The following ERBB4 variants were observed in gnomAD, a reference collection of about 807,000 sequenced individuals.
The protein encoded by ERBB4 is erb-b2 receptor tyrosine kinase 4, also known as receptor tyrosine-protein kinase erbB-4.
ERBB4 carries 42 observed loss-of-function variants against 158.0 expected under a neutral mutation model. That is an observed-to-expected ratio of 0.27 (90% confidence interval 0.21 to 0.34). The LOEUF (loss-of-function observed/expected upper bound fraction) is 0.34, where lower values mean the gene tolerates loss of function less well. ERBB4 is among the 10% of genes least tolerant of loss of function. The pLI is 1.00. For missense variants in ERBB4, 1,333 were observed against 1,624.1 expected (o/e 0.82, Z 3.08); for synonymous variants, 583 against 558.7 (o/e 1.04, Z -0.61).
chr2:211,384,460 G>C, intron 27 of ERBB4, among the ~76,000 whole-genome samples: 1 of 151,978 alleles, frequency 6.6e-6, no homozygotes, highest in Non-Finnish European at 1.5e-5. Context: ...TTCTATAAAG[G>C]ATATTGAAAA....
intron 1 of ERBB4, among the ~76,000 whole-genome samples, chr2:212,257,528 T>C (rs2084783493): frequency 6.6e-6 from 1 of 152,134 alleles, no homozygotes. Context: ...GGTCTTTAAG[T>C]GCATTTATTT....
rs34467767 is a variant in ERBB4 at position 211,569,717 on chromosome 2, G to A, written c.2302-7629C>T. ...GTCTGGCATATTTTGGAAGGTCTGA[G>A]AAGGCTCATGTGCTTGGAATTTAGC... On this transcript the variant is annotated intron_variant, in intron 19 of 27. Transcript: ENST00000342788. 8.1e-3 allele frequency among the ~76,000 whole-genome samples: 1,238 copies of A among 152,306 alleles called. 7 individuals are homozygous for A. Among genetic ancestry groups the A allele is most frequent in the Non-Finnish European group, 0.014 (935 of 68,022 alleles).
intron 1 of ERBB4, among the ~76,000 whole-genome samples, chr2:212,155,300 T>C (rs2081001008): frequency 6.6e-6 from 1 of 151,870 alleles, no homozygotes; most frequent in South Asian, 2.1e-4. Context: ...TAAATAATAA[T>C]TATTATAAAA....
chr2:212,463,033 T>A lies in ERBB4; in HGVS notation c.82+75416A>T, dbSNP rs181494792. 4.2e-4 allele frequency among the ~76,000 whole-genome samples: 64 copies of A among 152,208 alleles called. 1 individual carries two copies. Among genetic ancestry groups the A allele is most frequent in the Admixed American group, 2.1e-3 (32 of 15,282 alleles). ...CAAAATAAATACTGCATGTTCTCAT[T>A]CATGTCGAAATTGAAAAAGTTGATC... On this transcript the variant is annotated intron_variant, in intron 1 of 27. Transcript: ENST00000342788.
In ERBB4 at chr2:211,870,180, G is replaced by A. The variant is rs556577842; in HGVS notation, c.421+77250C>T. Among the ~76,000 whole-genome samples the A allele has an allele frequency of 2.0e-5, 3 of 152,050 alleles. No homozygotes were observed. In the East Asian group the frequency reaches 5.8e-4, roughly 29 times the overall value. ...TCCATTTAGCATTCCATAAATTTGG[G>A]AAGTAAAACTCAATATAGATTATTT... On this transcript the variant is annotated intron_variant, in intron 3 of 27. Coordinates refer to ENST00000342788, the MANE Select transcript of ERBB4 (RefSeq NM_005235.3).
intron 20 of ERBB4, among the ~76,000 whole-genome samples, chr2:211,513,320 C>G (rs975055645): frequency 1.4e-5 from 2 of 139,674 alleles, no homozygotes; most frequent in Non-Finnish European, 3.0e-5. Flanking sequence ...CACTGCAGTC[C>G]GCAGTCCGGC....
chr2:211,887,942 T>A (rs1182553877), intron 3 of ERBB4, among the ~76,000 whole-genome samples: 1 of 152,208 alleles, frequency 6.6e-6, no homozygotes, highest in African/African-American at 2.4e-5. Flanking sequence ...TTGTTTCCTC[T>A]CCATTCCCAG....
intron 2 of ERBB4, among the ~76,000 whole-genome samples, chr2:212,072,498 T>C (rs1293601309): frequency 1.3e-5 from 2 of 151,928 alleles, no homozygotes; most frequent in African/African-American, 4.8e-5. Flanking sequence ...AACTTTCAAG[T>C]ATAAAAAAGA....
At chr2:211,412,860 A>G (rs1460490066) in intron 25 of ERBB4, among the ~76,000 whole-genome samples, 1 of 151,212 alleles carries the variant, frequency 6.6e-6, no homozygotes, top group Non-Finnish European at 1.5e-5. Flanking sequence ...AGGCTGAGGC[A>G]GGAGAATCGC....
chr2:211,893,309 A>G, intron 3 of ERBB4, among the ~76,000 whole-genome samples: 1 of 144,714 alleles, frequency 6.9e-6, no homozygotes, highest in East Asian at 1.9e-4. Context: ...AGCAAGGGGG[A>G]AAGGATTCCC....
chr2:212,232,671 G>A (rs760643672), intron 1 of ERBB4, among the ~76,000 whole-genome samples: 10 of 152,178 alleles, frequency 6.6e-5, no homozygotes, highest in Non-Finnish European at 1.2e-4. Context: ...GCTTCCCAAA[G>A]TGCTGGGATT....
chr2:212,486,385 C>T (rs1423245682), intron 1 of ERBB4, among the ~76,000 whole-genome samples: 1 of 152,002 alleles, frequency 6.6e-6, no homozygotes. Context: ...ATCAATATTT[C>T]TCAAATAAGG....
At chr2:211,617,536 T>A (rs1463212999) in intron 19 of ERBB4, among the ~76,000 whole-genome samples, 1 of 152,072 alleles carries the variant, frequency 6.6e-6, no homozygotes, top group Non-Finnish European at 1.5e-5. Flanking sequence ...CCGGTAGATA[T>A]GCAACAAGGT....
At chr2:212,206,964 C>T (rs867849485) in intron 1 of ERBB4, among the ~76,000 whole-genome samples, 1 of 148,782 alleles carries the variant, frequency 6.7e-6, no homozygotes, top group African/African-American at 2.5e-5. Context: ...ATTTTATGGA[C>T]TGCAATTAAC....
At chr2:211,592,051 G>A (rs539853637) in intron 19 of ERBB4, among the ~76,000 whole-genome samples, 1 of 152,308 alleles carries the variant, frequency 6.6e-6, no homozygotes, top group South Asian at 2.1e-4. Flanking sequence ...GGTTTAGAAA[G>A]GGGAGGGAGG....
At chr2:212,166,486 G>C (rs1421896900) in intron 1 of ERBB4, among the ~76,000 whole-genome samples, 2 of 151,590 alleles carry the variant, frequency 1.3e-5, no homozygotes, top group African/African-American at 2.4e-5. Context: ...AGGAAGAATC[G>C]GTCTCATGAA....
intron 20 of ERBB4, among the ~76,000 whole-genome samples, chr2:211,467,531 C>T (rs1385435685): frequency 6.6e-6 from 1 of 152,102 alleles, no homozygotes; most frequent in African/African-American, 2.4e-5. Context: ...ATGCAGTGGA[C>T]CTTCTCCTTG....
At chr2:211,446,690 TA>T (rs2064120381) in intron 20 of ERBB4, among the ~76,000 whole-genome samples, 1 of 152,108 alleles carries the variant, frequency 6.6e-6, no homozygotes, top group South Asian at 2.1e-4. Flanking sequence ...ATTTTAAGCT[TA>T]ATATCAAAAT....
intron 2 of ERBB4, among the ~76,000 whole-genome samples, chr2:212,032,777 T>C (rs577868895): frequency 1.3e-5 from 2 of 152,080 alleles, no homozygotes; most frequent in East Asian, 1.9e-4. Context: ...GATAAGTTTA[T>C]AGGTAAGGAC....
Sources: allele counts gnomAD v4.1 joint callset (sites outside exome capture counted in the v4.1 genomes callset), GRCh38; gene constraint gnomAD v4.1.1; transcripts MANE v1.5; gene names NCBI Gene and HGNC (gene_info 2026-07-23, HGNC 2026-07-21).